The following SPA17 variants were observed in gnomAD, a reference collection of about 807,000 sequenced individuals.
The protein encoded by SPA17 is sperm autoantigenic protein 17.
Under a neutral mutation model 13.8 loss-of-function variants are expected in SPA17, and 7 were observed. That is an observed-to-expected ratio of 0.51 (90% confidence interval 0.29 to 0.95). The LOEUF is 0.95. SPA17 is among the 40% of genes least tolerant of loss of function. The pLI, the probability that SPA17 is intolerant of heterozygous loss-of-function variation, is 0.08. For synonymous variants in SPA17, 61 were observed against 59.0 expected (o/e 1.03, Z -0.16); for missense variants, 170 against 179.3 (o/e 0.95, Z 0.30).
Position 124,691,787 on chromosome 11 carries a change from G to A in SPA17, c.312+5G>A. ...GAGACATCAGTCACCATCTTAGTAT[G>A]TAATATTTTTCATGTACTATTGGAT... On this transcript the variant is annotated splice_donor_5th_base_variant and intron_variant, in intron 4 of 4. Coordinates refer to ENST00000227135, the MANE Select transcript of SPA17 (RefSeq NM_017425.4). 1 of 1,589,608 alleles carries A rather than the reference G, an allele frequency of 6.3e-7. No individual in the cohort carries two copies. Among genetic ancestry groups the A allele is most frequent in the Non-Finnish European group, 8.6e-7 (1 of 1,163,710 alleles).
chr11:124,691,844 A>C, intron 4 of SPA17, 62 bp downstream of exon 4: 1 of 1,048,386 alleles, frequency 9.5e-7, no homozygotes, highest in Non-Finnish European at 1.4e-6. Flanking sequence ...CCAATTTAAA[A>C]CTGAACTCCA....
At chr11:124,682,931 A>T (rs1168525089) in intron 3 of SPA17, among the ~76,000 whole-genome samples, 1 of 152,026 alleles carries the variant, frequency 6.6e-6, no homozygotes, top group Non-Finnish European at 1.5e-5. Flanking sequence ...TCACCACAGC[A>T]CATTAAAATC....
intron 3 of SPA17, 51 bp downstream of exon 3, chr11:124,681,510 A>G (rs929299511): frequency 3.6e-6 from 5 of 1,399,290 alleles, no homozygotes; most frequent in Non-Finnish European, 3.8e-6. Flanking sequence ...CTCTGTCTAC[A>G]GCTAGCAATT....
chr11:124,683,311 C>T (rs540503607), intron 3 of SPA17, among the ~76,000 whole-genome samples: 132 of 152,052 alleles, frequency 8.7e-4, no homozygotes, highest in African/African-American at 3.0e-3. Flanking sequence ...ACTGTTAAAG[C>T]GACCACACAA....
rs755923651 is a variant in SPA17 at position 124,675,419 on chromosome 11, G to A, written c.154+1G>A. 11 of 1,601,198 alleles carry A rather than the reference G, an allele frequency of 6.9e-6. No homozygotes were observed. The African/African-American group carries it at 1.4e-4, about 20-fold the overall frequency. On this transcript the variant is annotated splice_donor_variant, in intron 2 of 4. Coordinates refer to ENST00000227135, the MANE Select transcript of SPA17 (RefSeq NM_017425.4). LOFTEE classifies it high-confidence loss of function. ...GAGAGCCTTCTAGAGAAAAGAGAGA[G>A]TAAGCTTTCTAAAATTAGTCATTTT...
At chr11:124,675,052 T>C (rs1363757214) in intron 1 of SPA17, 186 bp from the exon 2 acceptor site, 5 of 516,140 alleles carry the variant, frequency 9.7e-6, no homozygotes, top group Admixed American at 3.7e-5. Flanking sequence ...TCTGTGTTTG[T>C]ATTATACTAA....
chr11:124,682,027 T>C (rs1043686079), intron 3 of SPA17, among the ~76,000 whole-genome samples: 2 of 152,102 alleles, frequency 1.3e-5, no homozygotes, highest in African/African-American at 4.8e-5. Context: ...TTTTTCAGAG[T>C]CTGAGCCTTT....
At chr11:124,679,473 T>A (rs2134409322) in intron 2 of SPA17, among the ~76,000 whole-genome samples, 1 of 152,248 alleles carries the variant, frequency 6.6e-6, no homozygotes, top group South Asian at 2.1e-4. Flanking sequence ...AAAAACAACA[T>A]ACAATTATGA....
chr11:124,691,648 T>C (rs760197605), intron 3 of SPA17, 48 bp from the exon 4 acceptor site: 4 of 1,303,902 alleles, frequency 3.1e-6, no homozygotes, highest in East Asian at 4.8e-5. Flanking sequence ...TACAAGACTT[T>C]GCCATTTTGG....
At position 124,675,464 on chromosome 11, in the gene SPA17, A is replaced by G. The variant is rs762223342; in HGVS notation, c.154+46A>G. On this transcript the variant is annotated intron_variant, in intron 2 of 4. Transcript: ENST00000227135. ...CATTTTTTAAAATAAGAAACTAAGCATTTGTTTATGGTAAAACTTGCTTAA... is the reference window on the plus strand; with the variant it reads ...CATTTTTTAAAATAAGAAACTAAGCGTTTGTTTATGGTAAAACTTGCTTAA... 4 of 1,590,798 alleles carry G rather than the reference A, an allele frequency of 2.5e-6. No individual in the cohort carries two copies. The East Asian group carries it at 8.9e-5, about 36-fold the overall frequency.
intron 3 of SPA17, among the ~76,000 whole-genome samples, chr11:124,684,335 C>T (rs1943556274): frequency 6.6e-6 from 1 of 151,886 alleles, no homozygotes; most frequent in South Asian, 2.1e-4. Context: ...AATCTTGGCT[C>T]ACTGCAACCC....
At chr11:124,676,692 G>A (rs1327240137) in intron 2 of SPA17, among the ~76,000 whole-genome samples, 1 of 152,180 alleles carries the variant, frequency 6.6e-6, no homozygotes, top group Non-Finnish European at 1.5e-5. Context: ...TTTAGAAGAG[G>A]AACGTTATTA....
At position 124,694,554 on chromosome 11, in the gene SPA17, C is replaced by T; in HGVS notation, c.*108C>T. ...AGGAAGATTTGATGTTGTGAAATAA[C>T]ATTCGTTACTGTTGTGAAAATCTGT... On this transcript the variant is annotated 3_prime_UTR_variant, in exon 5 of 5. Transcript: ENST00000227135. The T allele has an allele frequency of 1.4e-6, 2 of 1,400,350 alleles. No homozygotes were observed. Among genetic ancestry groups the T allele is most frequent in the South Asian group, 2.8e-5 (2 of 70,424 alleles). The allele number at this position is 1,400,350 out of a possible 1,614,324, so 86.7% of individuals were successfully genotyped here.
In SPA17 at chr11:124,696,341, C is replaced by T. The variant is rs904471204; in HGVS notation, c.*1895C>T. Reference sequence around the variant, plus strand: ...AGAATTTATGCAAAGACTTAGATTCCCTGACCTGGAGAGATCAGAAGAGGA... The same window carrying T: ...AGAATTTATGCAAAGACTTAGATTCTCTGACCTGGAGAGATCAGAAGAGGA... On this transcript the variant is annotated 3_prime_UTR_variant, in exon 5 of 5. Coordinates refer to ENST00000227135, the MANE Select transcript of SPA17 (RefSeq NM_017425.4). 5 of 151,984 alleles carry T rather than the reference C, an allele frequency of 3.3e-5. No individual in the cohort carries two copies. The highest frequency in any genetic ancestry group is 1.2e-4 in the African/African-American group (5 of 41,364). 9.4% of individuals were successfully genotyped at this position (151,984 alleles called of 1,614,324 possible). A position where few individuals can be genotyped will look rare whatever the true frequency, so the allele number is the denominator to read the frequency against.
intron 3 of SPA17, among the ~76,000 whole-genome samples, chr11:124,682,647 A>T (rs987593672): frequency 5.9e-5 from 9 of 152,156 alleles, no homozygotes; most frequent in Non-Finnish European, 1.3e-4. Context: ...AAGTGGAACA[A>T]AAAAATTTTA....
rs969531477 is a variant in SPA17, at chr11:124,685,326, T to C, written c.225+3867T>C. Among the ~76,000 whole-genome samples, 3 of 152,358 alleles carry C rather than the reference T, an allele frequency of 2.0e-5. No individual in the cohort carries two copies. In the South Asian group the frequency reaches 6.2e-4, roughly 32 times the overall value. On this transcript the variant is annotated intron_variant, in intron 3 of 4. Transcript: ENST00000227135. ...GTGCAAACCCCAAGCCTTGGCAGCT[T>C]ACATGTGGTGTTGAGTTTGTGGGTC...
intron 3 of SPA17, among the ~76,000 whole-genome samples, chr11:124,690,127 A>G (rs990321068): frequency 5.9e-5 from 9 of 152,232 alleles, no homozygotes; most frequent in Non-Finnish European, 7.3e-5. Context: ...TACCCAAGGG[A>G]AAATAAATCA....
chr11:124,681,409 G>A lies in SPA17; in HGVS notation c.175G>A (p.Glu59Lys). 1 of 1,577,772 alleles carries A rather than the reference G, an allele frequency of 6.3e-7. No homozygotes were observed. Among genetic ancestry groups the A allele is most frequent in the Non-Finnish European group, 8.6e-7 (1 of 1,159,182 alleles). Residue 59 changes from glutamate to lysine, a missense_variant, in exon 3 of 5, where the codon GAA (glutamate) becomes AAA (lysine). Coordinates refer to ENST00000227135, the MANE Select transcript of SPA17 (RefSeq NM_017425.4). ...KREKTNFDPA[E>K]WGSKVEDRFY... is the part of the protein sequence containing the mutation. ...TTTAGAAACCAACTTTGATCCAGCA[G>A]AATGGGGGAGTAAGGTAGAAGACCG...
Position 124,694,376 on chromosome 11 carries a change from T to C in SPA17, c.386T>C (p.Ile129Thr). Residue 129 changes from isoleucine (I) to threonine (T), a missense_variant, in exon 5 of 5, where the codon ATA becomes ACA. Physicochemically the swap from Ile to Thr is moderately conservative, Grantham distance 89. Transcript: ENST00000227135. ...ATCCAAGCTGCCTTCCGGGGACACA[T>C]AGCCAGAGAGGAGGCAAAGAAAATG... ...VKIQAAFRGHIAREEAKKMKT... is the reference protein window; with the variant it reads ...VKIQAAFRGHTAREEAKKMKT... 5 of 1,613,912 alleles carry C rather than the reference T, an allele frequency of 3.1e-6. No homozygotes were observed. Among genetic ancestry groups the C allele is most frequent in the Non-Finnish European group, 3.4e-6 (4 of 1,179,970 alleles).
Sources: gnomAD v4.1 joint callset for allele counts (sites outside exome capture counted in the v4.1 genomes callset) on GRCh38, gnomAD v4.1.1 for gene constraint, MANE v1.5 for transcripts, NCBI Gene and HGNC (gene_info 2026-07-23, HGNC 2026-07-21) for gene names.